Variants in RAPGEF5 observed in about 807,000 individuals in gnomAD.
The protein encoded by RAPGEF5 is Rap guanine nucleotide exchange factor 5.
In RAPGEF5, 65 loss-of-function variants were observed where a neutral mutation model predicts 125.2. The ratio of observed to expected loss-of-function variants is 0.52; its 90% CI spans 0.43 to 0.64. The LOEUF (loss-of-function observed/expected upper bound fraction) is 0.64. Among genes scored for constraint, RAPGEF5 ranks in the 30% least tolerant of loss-of-function variants. The probability of loss-of-function intolerance (pLI) is 0.00; values close to 1 mark genes in which losing one functional copy is unlikely to be tolerated. For missense variants in RAPGEF5, 958 were observed against 1,048.1 expected (o/e 0.91, Z 1.19); for synonymous variants, 391 against 385.9 (o/e 1.01, Z -0.16).
chr7:22,276,259 C>G (rs1285573024), intron 6 of RAPGEF5, among the ~76,000 whole-genome samples: 1 of 152,104 alleles, frequency 6.6e-6, no homozygotes, highest in East Asian at 1.9e-4. Context: ...CTACAAAAAG[C>G]TCATAAATGA....
intron 6 of RAPGEF5, among the ~76,000 whole-genome samples, chr7:22,290,823 T>G (rs1356931839): frequency 6.6e-6 from 1 of 152,024 alleles, no homozygotes; most frequent in Non-Finnish European, 1.5e-5. Context: ...CTTTTTTGGC[T>G]GAAGTAATTC....
intron 1 of RAPGEF5, among the ~76,000 whole-genome samples, chr7:22,348,966 A>T (rs1389001663): frequency 1.3e-5 from 2 of 151,524 alleles, no homozygotes; most frequent in Non-Finnish European, 2.9e-5. Context: ...ACATGCCTGT[A>T]ATCCCAGGTA....
intron 9 of RAPGEF5, among the ~76,000 whole-genome samples, chr7:22,201,701 T>C (rs778266772): frequency 2.0e-5 from 3 of 152,238 alleles, no homozygotes; most frequent in Non-Finnish European, 2.9e-5. Flanking sequence ...CACTCTGCAC[T>C]TCCCATGTGA....
At chr7:22,311,726 T>C (rs1783475810) in intron 3 of RAPGEF5, among the ~76,000 whole-genome samples, 1 of 152,332 alleles carries the variant, frequency 6.6e-6, no homozygotes, top group South Asian at 2.1e-4. Context: ...TTTCTTTTTT[T>C]AGAGAAAATG....
chr7:22,314,392 G>A (rs937266735), intron 3 of RAPGEF5, among the ~76,000 whole-genome samples: 3 of 152,096 alleles, frequency 2.0e-5, no homozygotes, highest in Admixed American at 1.3e-4. Flanking sequence ...TTATGCCTCA[G>A]TACAAAGGGG....
intron 5 of RAPGEF5, among the ~76,000 whole-genome samples, chr7:22,300,910 T>C (rs976056796): frequency 4.6e-5 from 7 of 152,208 alleles, no homozygotes; most frequent in African/African-American, 1.7e-4. Context: ...TGATTCTTCT[T>C]GCCAGAAAGA....
At chr7:22,293,626 T>C (rs1562513092) in intron 5 of RAPGEF5, among the ~76,000 whole-genome samples, 1 of 152,136 alleles carries the variant, frequency 6.6e-6, no homozygotes, top group Non-Finnish European at 1.5e-5. Flanking sequence ...TTCAAGGATT[T>C]TCCTCACTTG....
At chr7:22,334,145 C>T (rs1783982041) in intron 1 of RAPGEF5, among the ~76,000 whole-genome samples, 1 of 152,152 alleles carries the variant, frequency 6.6e-6, no homozygotes, top group South Asian at 2.1e-4. Flanking sequence ...CGGACCTCAG[C>T]ATGGGCCCGA....
intron 5 of RAPGEF5, among the ~76,000 whole-genome samples, chr7:22,294,996 C>A (rs1309106223): frequency 6.6e-6 from 1 of 152,086 alleles, no homozygotes; most frequent in Non-Finnish European, 1.5e-5. Context: ...TTATTAACAC[C>A]CATCACCACT....
chr7:22,325,971 AG>A (rs1226451883), intron 1 of RAPGEF5, among the ~76,000 whole-genome samples: 5 of 152,252 alleles, frequency 3.3e-5, no homozygotes, highest in African/African-American at 1.2e-4. Context: ...GGTCGTCAAC[AG>A]GAAAAATGTT....
At chr7:22,265,416 G>A (rs1782259098) in intron 7 of RAPGEF5, among the ~76,000 whole-genome samples, 1 of 152,136 alleles carries the variant, frequency 6.6e-6, no homozygotes, top group Non-Finnish European at 1.5e-5. Flanking sequence ...GCTTATCCAT[G>A]ATGCTACAAA....
intron 7 of RAPGEF5, among the ~76,000 whole-genome samples, chr7:22,245,525 G>A (rs1262893896): frequency 2.0e-5 from 3 of 151,942 alleles, no homozygotes; most frequent in Middle Eastern, 3.4e-3. Flanking sequence ...TCATTCTTCT[G>A]CTTGAGGATA....
At chr7:22,271,231 T>A (rs11972374) in intron 6 of RAPGEF5, among the ~76,000 whole-genome samples, 80,264 of 151,532 alleles carry the variant, frequency 0.53, 23,096 homozygotes, top group African/African-American at 0.76. Context: ...ATCTCGGGAT[T>A]GAACCAGGCA....
chr7:22,123,284 G>C (rs959091246), intron 25 of RAPGEF5, among the ~76,000 whole-genome samples: 1 of 152,128 alleles, frequency 6.6e-6, no homozygotes, highest in Non-Finnish European at 1.5e-5. Flanking sequence ...TGCTGATAAG[G>C]AACCAGGATG....
intron 1 of RAPGEF5, among the ~76,000 whole-genome samples, chr7:22,347,500 A>G (rs1784244920): frequency 6.6e-6 from 1 of 152,166 alleles, no homozygotes; most frequent in African/African-American, 2.4e-5. Context: ...CAAAACAGTA[A>G]GTACTTCTTC....
intron 1 of RAPGEF5, among the ~76,000 whole-genome samples, chr7:22,320,815 CA>C (rs1483670588): frequency 6.6e-6 from 1 of 152,082 alleles, no homozygotes; most frequent in Non-Finnish European, 1.5e-5. Flanking sequence ...TTAGAAAACC[CA>C]TTTGCCAGAA....
chr7:22,336,108 C>T (rs768821642), intron 1 of RAPGEF5, among the ~76,000 whole-genome samples: 8 of 152,202 alleles, frequency 5.3e-5, no homozygotes, highest in Non-Finnish European at 1.0e-4. Context: ...GGCCCTCAAG[C>T]CCTATCACCC....
intron 5 of RAPGEF5, among the ~76,000 whole-genome samples, chr7:22,302,748 T>C (rs1173145924): frequency 6.6e-6 from 1 of 150,598 alleles, no homozygotes; most frequent in African/African-American, 2.4e-5. Context: ...ATAACTTTAC[T>C]AAAGGGTGCT....
intron 8 of RAPGEF5, among the ~76,000 whole-genome samples, chr7:22,225,742 A>G (rs1158617574): frequency 6.6e-6 from 1 of 152,214 alleles, no homozygotes; most frequent in African/African-American, 2.4e-5. Context: ...AATTATAAAC[A>G]ATTTACCTAA....
Sources: gnomAD v4.1 joint callset for allele counts (sites outside exome capture counted in the v4.1 genomes callset) on GRCh38, gnomAD v4.1.1 for gene constraint, MANE v1.5 for transcripts, NCBI Gene and HGNC (gene_info 2026-07-23, HGNC 2026-07-21) for gene names.